Variants in DAAM1 observed in about 807,000 individuals in gnomAD.
The protein encoded by DAAM1 is disheveled-associated activator of morphogenesis 1.
DAAM1 carries 52 observed loss-of-function variants against 130.0 expected under a neutral mutation model. The ratio of observed to expected loss-of-function variants is 0.40; its 90% CI spans 0.32 to 0.50. The LOEUF is 0.50. Ranked by LOEUF, DAAM1 falls within the 20% of genes least tolerant of loss-of-function variation. The pLI is 0.61. For missense variants in DAAM1, 1,134 were observed against 1,303.8 expected (o/e 0.87, Z 2.01); for synonymous variants, 452 against 444.5 (o/e 1.02, Z -0.21).
chr14:59,262,853 G>C (rs867728492), intron 1 of DAAM1, among the ~76,000 whole-genome samples: 3 of 152,188 alleles, frequency 2.0e-5, no homozygotes, highest in African/African-American at 7.2e-5. Context: ...TCCTGGGATT[G>C]TGCAGGGCAC....
intron 16 of DAAM1, among the ~76,000 whole-genome samples, chr14:59,346,503 AT>A (rs1414322009): frequency 4.6e-5 from 7 of 152,216 alleles, no homozygotes; most frequent in African/African-American, 1.7e-4. Flanking sequence ...ATGGTGACTC[AT>A]GCCTGTAATC....
intron 10 of DAAM1, 129 bp downstream of exon 10, chr14:59,326,206 G>A: frequency 1.2e-6 from 1 of 862,354 alleles, no homozygotes; most frequent in South Asian, 1.7e-5. Flanking sequence ...TTTTATGACA[G>A]CCAAGTATGT....
At chr14:59,350,184 C>A (rs2025901) in intron 17 of DAAM1, among the ~76,000 whole-genome samples, 1 of 152,050 alleles carries the variant, frequency 6.6e-6, no homozygotes, top group Non-Finnish European at 1.5e-5. Context: ...GCATCTACTT[C>A]TGTCTTCCCC....
intron 1 of DAAM1, among the ~76,000 whole-genome samples, chr14:59,202,718 C>T (rs192702407): frequency 3.9e-5 from 6 of 152,286 alleles, no homozygotes; most frequent in Non-Finnish European, 7.4e-5. Flanking sequence ...ATGCTCTTTG[C>T]GTTCCCTGGC....
At chr14:59,366,211 T>TACCCCATATCTTTTTAAAAAAA in intron 23 of DAAM1, among the ~76,000 whole-genome samples, 1 of 152,072 alleles carries the variant, frequency 6.6e-6, no homozygotes, top group Non-Finnish European at 1.5e-5. Flanking sequence ...AACATTGCAA[T>TACCCCATATCTTTTTAAAAAAA]ACCCCATATC....
chr14:59,209,598 T>G (rs983817259), intron 1 of DAAM1, among the ~76,000 whole-genome samples: 16 of 152,218 alleles, frequency 1.1e-4, no homozygotes, highest in Non-Finnish European at 2.1e-4. Flanking sequence ...TATTCCACAC[T>G]TTATTATACA....
chr14:59,356,727 C>G (rs1886496246), intron 20 of DAAM1, among the ~76,000 whole-genome samples: 1 of 152,248 alleles, frequency 6.6e-6, no homozygotes, highest in African/African-American at 2.4e-5. Context: ...CAAAAGCAAT[C>G]ACCCATCCCC....
At chr14:59,270,960 AC>A (rs1167794217) in intron 2 of DAAM1, among the ~76,000 whole-genome samples, 5 of 152,132 alleles carry the variant, frequency 3.3e-5, no homozygotes, top group Admixed American at 6.5e-5. Flanking sequence ...CTCACCTCTT[AC>A]AGCACACATA....
intron 2 of DAAM1, among the ~76,000 whole-genome samples, chr14:59,277,463 TTTC>T (rs1883020661): frequency 6.6e-6 from 1 of 151,636 alleles, no homozygotes; most frequent in Non-Finnish European, 1.5e-5. Context: ...TCAGAGGTCC[TTTC>T]TTCTTAATAA....
intron 18 of DAAM1, 71 bp downstream of exon 18, chr14:59,352,703 G>A: frequency 2.9e-6 from 4 of 1,386,328 alleles, no homozygotes; most frequent in South Asian, 2.6e-5. Flanking sequence ...TTCAATTCAT[G>A]TTGAATTGTT....
Position 59,346,492 on chromosome 14 carries a change from C to T in DAAM1, c.2076-1047C>T, listed in dbSNP as rs1886084665. ...ATTTTTAAAATAAGTCTAGACCAGG[C>T]ATGGTGACTCATGCCTGTAATCCCA... On this transcript the variant is annotated intron_variant, in intron 16 of 24. Coordinates refer to ENST00000360909, the MANE Select transcript of DAAM1 (RefSeq NM_001270520.2). Among the ~76,000 whole-genome samples the T allele has an allele frequency of 3.3e-5, 5 of 152,112 alleles. No individual in the cohort carries two copies. The South Asian group carries it at 1.0e-3, about 31-fold the overall frequency.
intron 21 of DAAM1, 22 bp from the exon 22 acceptor site, chr14:59,360,780 A>G (rs1451244724): frequency 1.2e-6 from 2 of 1,610,810 alleles, no homozygotes; most frequent in Admixed American, 1.7e-5. Context: ...GTTGATTGCT[A>G]AAACATTGCT....
intron 2 of DAAM1, among the ~76,000 whole-genome samples, chr14:59,274,421 G>GT (rs200591569): frequency 0.014 from 2,106 of 152,258 alleles, 47 homozygotes; most frequent in African/African-American, 0.046. Flanking sequence ...CAGTCAGATA[G>GT]TTTGAGTTTT....
intron 1 of DAAM1, among the ~76,000 whole-genome samples, chr14:59,196,632 A>G (rs1887903336): frequency 6.6e-6 from 1 of 151,720 alleles, no homozygotes; most frequent in African/African-American, 2.4e-5. Flanking sequence ...AGTCCCAGCT[A>G]CTCCGGAGGC....
intron 1 of DAAM1, among the ~76,000 whole-genome samples, chr14:59,236,767 G>C (rs1480946430): frequency 6.6e-6 from 1 of 152,088 alleles, no homozygotes; most frequent in Non-Finnish European, 1.5e-5. Flanking sequence ...CCAACACCTA[G>C]AACAGTGCCC....
chr14:59,289,783 T>TATATATATATATATATATATAAAA (rs966292211), intron 2 of DAAM1, among the ~76,000 whole-genome samples: 1 of 135,242 alleles, frequency 7.4e-6, no homozygotes, highest in Non-Finnish European at 1.7e-5. Flanking sequence ...TATATATATA[T>TATATATATATATATATATATAAAA]AATGGAATGC....
chr14:59,202,847 A>G (rs1037843434), intron 1 of DAAM1, among the ~76,000 whole-genome samples: 7 of 152,188 alleles, frequency 4.6e-5, no homozygotes, highest in African/African-American at 1.4e-4. Context: ...TGTTATGTCT[A>G]TGGTCAAATC....
chr14:59,238,983 A>G (rs978007814), intron 1 of DAAM1, among the ~76,000 whole-genome samples: 7 of 152,160 alleles, frequency 4.6e-5, no homozygotes, highest in Non-Finnish European at 1.0e-4. Context: ...GACAGCATGA[A>G]TTTGTCCCTG....
chr14:59,363,548 CATTCTG>C, intron 22 of DAAM1, 97 bp from the exon 23 acceptor site: 2 of 1,504,054 alleles, frequency 1.3e-6, no homozygotes, highest in South Asian at 2.5e-5. Context: ...ATGTGTTTGC[CATTCTG>C]ATTTATTAAA....
Sources: gnomAD v4.1 joint callset for allele counts (sites outside exome capture counted in the v4.1 genomes callset) on GRCh38, gnomAD v4.1.1 for gene constraint, MANE v1.5 for transcripts, NCBI Gene and HGNC (gene_info 2026-07-23, HGNC 2026-07-21) for gene names.